Variants in SETBP1 observed in about 807,000 individuals in gnomAD.
SETBP1 encodes the protein SET binding protein 1.
A neutral mutation model predicts 101.0 loss-of-function variants in SETBP1; 9 were observed. That is an observed-to-expected ratio of 0.09 (90% confidence interval 0.05 to 0.16). The LOEUF (loss-of-function observed/expected upper bound fraction) is 0.16. Among genes scored for constraint, SETBP1 ranks in the 10% least tolerant of loss-of-function variants. The pLI, the probability that SETBP1 is intolerant of heterozygous loss-of-function variation, is 1.00. For synonymous variants in SETBP1, 818 were observed against 788.5 expected, an observed-to-expected ratio of 1.04 and a Z score of -0.63; for missense variants, 1,858 against 2,033.8, an observed-to-expected ratio of 0.91 and a Z score of 1.66.
intron 5 of SETBP1, among the ~76,000 whole-genome samples, chr18:45,057,814 C>A (rs1340893116): frequency 6.6e-6 from 1 of 152,222 alleles, no homozygotes; most frequent in Non-Finnish European, 1.5e-5. Flanking sequence ...GGGCAAAGTA[C>A]AGTCCACAAA....
chr18:44,710,265 C>T (rs960189304), intron 2 of SETBP1, among the ~76,000 whole-genome samples: 3 of 152,150 alleles, frequency 2.0e-5, no homozygotes, highest in Non-Finnish European at 2.9e-5. Context: ...GGACATCCCT[C>T]ACCTGCTTTG....
intron 3 of SETBP1, among the ~76,000 whole-genome samples, chr18:44,939,509 G>T (rs1455283942): frequency 6.6e-6 from 1 of 152,168 alleles, no homozygotes; most frequent in Non-Finnish European, 1.5e-5. Flanking sequence ...TAACAACTCT[G>T]AATAAGCTGC....
intron 4 of SETBP1, among the ~76,000 whole-genome samples, chr18:44,994,287 G>C (rs1373996601): frequency 6.6e-6 from 1 of 151,984 alleles, no homozygotes; most frequent in African/African-American, 2.4e-5. Flanking sequence ...TCAGATTATA[G>C]GATTACTCTT....
chr18:44,817,682 C>A, intron 2 of SETBP1, among the ~76,000 whole-genome samples: 1 of 142,922 alleles, frequency 7.0e-6, no homozygotes, highest in Non-Finnish European at 1.5e-5. Context: ...GAGACTCCAT[C>A]TCAAAAAAAA....
At chr18:44,849,510 C>T (rs2072801898) in intron 2 of SETBP1, among the ~76,000 whole-genome samples, 1 of 152,264 alleles carries the variant, frequency 6.6e-6, no homozygotes, top group African/African-American at 2.4e-5. Context: ...CCCTATTTGG[C>T]AGGGCACTGA....
At chr18:44,786,331 A>G (rs1005925512) in intron 2 of SETBP1, among the ~76,000 whole-genome samples, 9 of 152,196 alleles carry the variant, frequency 5.9e-5, no homozygotes, top group Admixed American at 1.3e-4. Flanking sequence ...TTGGTTTAAT[A>G]TTGACAACAG....
intron 1 of SETBP1, among the ~76,000 whole-genome samples, chr18:44,681,424 T>G (rs1371773917): frequency 6.6e-6 from 1 of 152,170 alleles, no homozygotes; most frequent in Non-Finnish European, 1.5e-5. Flanking sequence ...TTTCAGTGTC[T>G]GTTTGTGATG....
intron 2 of SETBP1, among the ~76,000 whole-genome samples, chr18:44,711,418 CCCTTTCTCCCTT>C (rs1285220130): frequency 2.4e-4 from 35 of 146,962 alleles, no homozygotes; most frequent in African/African-American, 8.6e-4. Flanking sequence ...CTCCCTCCCT[CCCTTTCTCCCTT>C]CCTTCCTCCC....
chr18:44,840,334 TC>T (rs1396790354), intron 2 of SETBP1, among the ~76,000 whole-genome samples: 3 of 152,190 alleles, frequency 2.0e-5, no homozygotes, highest in Non-Finnish European at 4.4e-5. Context: ...CCTTGCTAGA[TC>T]CCAGCAGTGA....
intron 2 of SETBP1, among the ~76,000 whole-genome samples, chr18:44,744,678 A>G (rs1304905490): frequency 2.0e-5 from 3 of 151,442 alleles, no homozygotes; most frequent in Admixed American, 2.0e-4. Flanking sequence ...CAGTCTTTGC[A>G]TGAGTGTGGC....
chr18:44,740,324 G>T (rs968701194), intron 2 of SETBP1, among the ~76,000 whole-genome samples: 1 of 152,162 alleles, frequency 6.6e-6, no homozygotes, highest in Non-Finnish European at 1.5e-5. Flanking sequence ...CCATTACAGT[G>T]TGCACACCAG....
At chr18:44,974,581 C>A (rs548855537) in intron 4 of SETBP1, among the ~76,000 whole-genome samples, 3 of 152,224 alleles carry the variant, frequency 2.0e-5, no homozygotes, top group African/African-American at 7.2e-5. Flanking sequence ...TAGACCTCCC[C>A]AAATGACTGA....
intron 3 of SETBP1, among the ~76,000 whole-genome samples, chr18:44,884,234 C>T (rs1211694340): frequency 6.6e-6 from 1 of 152,192 alleles, no homozygotes; most frequent in African/African-American, 2.4e-5. Flanking sequence ...TGGATTACTC[C>T]TCTGAGCCTC....
At chr18:44,741,167 T>C (rs2070088629) in intron 2 of SETBP1, among the ~76,000 whole-genome samples, 8 of 152,236 alleles carry the variant, frequency 5.3e-5, no homozygotes, top group Admixed American at 5.2e-4. Flanking sequence ...TCCCAAGCCT[T>C]GAGCTAGGTG....
intron 2 of SETBP1, among the ~76,000 whole-genome samples, chr18:44,780,380 C>T (rs116919237): frequency 2.0e-5 from 3 of 152,280 alleles, no homozygotes; most frequent in Admixed American, 6.5e-5. Context: ...CTCTTTCATC[C>T]CTTGGGTACC....
chr18:44,970,802 C>T (rs1317644628), intron 4 of SETBP1, among the ~76,000 whole-genome samples: 4 of 152,074 alleles, frequency 2.6e-5, no homozygotes, highest in Non-Finnish European at 4.4e-5. Flanking sequence ...CCACCTGCCT[C>T]GGCCTCCCAA....
chr18:44,680,393 T>G (rs1256682987), upstream of SETBP1: 1 of 151,570 alleles, frequency 6.6e-6, no homozygotes, highest in African/African-American at 2.4e-5. Flanking sequence ...CGCCGGGACA[T>G]GGGTGAGCAC....
intron 3 of SETBP1, among the ~76,000 whole-genome samples, chr18:44,907,877 G>A (rs1425528419): frequency 6.6e-6 from 1 of 152,084 alleles, no homozygotes; most frequent in Admixed American, 6.5e-5. Flanking sequence ...TGTTCCTCAT[G>A]CTTTGGTGTC....
chr18:44,736,014 T>G (rs1394138099), intron 2 of SETBP1, among the ~76,000 whole-genome samples: 1 of 152,194 alleles, frequency 6.6e-6, no homozygotes, highest in Non-Finnish European at 1.5e-5. Flanking sequence ...CTTAGAATCA[T>G]GAAGAACATT....
Sources: allele counts gnomAD v4.1 joint callset (sites outside exome capture counted in the v4.1 genomes callset), GRCh38; gene constraint gnomAD v4.1.1; transcripts MANE v1.5; gene names NCBI Gene and HGNC (gene_info 2026-07-23, HGNC 2026-07-21).